The following SERGEF variants were observed in gnomAD, a reference collection of about 807,000 sequenced individuals.
The protein encoded by SERGEF is secretion-regulating guanine nucleotide exchange factor.
Under a neutral mutation model 50.0 loss-of-function variants are expected in SERGEF, and 51 were observed. That is an observed-to-expected ratio of 1.02 (90% CI 0.81 to 1.29). SERGEF has a LOEUF of 1.29. SERGEF is among the 50% of genes most tolerant of loss of function. SERGEF has a pLI of 0.00. For synonymous variants in SERGEF, 205 were observed against 212.4 expected (o/e 0.97, Z 0.30); for missense variants, 521 against 557.0 (o/e 0.94, Z 0.65).
chr11:17,909,077 A>T (rs1332568762), intron 9 of SERGEF, among the ~76,000 whole-genome samples: 3 of 152,330 alleles, frequency 2.0e-5, no homozygotes, highest in African/African-American at 4.8e-5. Flanking sequence ...CAAAGGGAAG[A>T]TGCTGGTAGA....
chr11:17,970,977 G>A (rs575988967), intron 8 of SERGEF, among the ~76,000 whole-genome samples: 18 of 152,062 alleles, frequency 1.2e-4, no homozygotes, highest in Non-Finnish European at 1.9e-4. Context: ...GGCGGATCAC[G>A]AGGTCAGGAG....
At chr11:18,012,539 C>G (rs1449611672) in intron 1 of SERGEF, 7 of 1,136,862 alleles carry the variant, frequency 6.2e-6, no homozygotes, top group African/African-American at 1.7e-5. Context: ...GACAGGGTCT[C>G]CCTCCTCCAG....
At chr11:17,997,263 T>C (rs1451354242) in intron 5 of SERGEF, among the ~76,000 whole-genome samples, 4 of 152,188 alleles carry the variant, frequency 2.6e-5, no homozygotes, top group Admixed American at 1.3e-4. Flanking sequence ...CAAGAAGATA[T>C]ACAAGTGTCC....
intron 10 of SERGEF, among the ~76,000 whole-genome samples, chr11:17,838,238 A>G (rs1279195583): frequency 1.3e-5 from 2 of 152,270 alleles, no homozygotes; most frequent in African/African-American, 4.8e-5. Context: ...TTAGCGGTCC[A>G]GAACACAGCC....
At chr11:17,957,143 G>A (rs2133969118) in intron 9 of SERGEF, among the ~76,000 whole-genome samples, 1 of 152,274 alleles carries the variant, frequency 6.6e-6, no homozygotes, top group Non-Finnish European at 1.5e-5. Flanking sequence ...AAGCTGCCAG[G>A]GGGCTCAGGG....
At chr11:17,922,898 T>A (rs527545062) in intron 9 of SERGEF, among the ~76,000 whole-genome samples, 2 of 152,368 alleles carry the variant, frequency 1.3e-5, no homozygotes, top group South Asian at 4.1e-4. Flanking sequence ...CCTATCTGGA[T>A]ACTGGGTTCA....
At chr11:17,919,590 A>G (rs1852115750) in intron 9 of SERGEF, among the ~76,000 whole-genome samples, 1 of 152,204 alleles carries the variant, frequency 6.6e-6, no homozygotes, top group Non-Finnish European at 1.5e-5. Flanking sequence ...AAGATGCATT[A>G]TAGATATCAC....
chr11:18,001,606 C>T lies in SERGEF; in HGVS notation c.448-1049G>A. Among the ~76,000 whole-genome samples the T allele has an allele frequency of 1.3e-5, 2 of 152,164 alleles. 1 individual carries two copies. The highest frequency in any genetic ancestry group is 3.8e-4 in the East Asian group (2 of 5,198). On this transcript the variant is annotated intron_variant, in intron 4 of 10. Transcript: ENST00000265965. ...TCATGAGAGACCAGCTAAGCTGTTC[C>T]TAAATTCCTGACTCTCCGAAACTGT... is the stretch of plus-strand genomic sequence containing the variant.
intron 10 of SERGEF, among the ~76,000 whole-genome samples, chr11:17,797,903 C>T (rs1165414456): frequency 1.3e-5 from 2 of 152,180 alleles, no homozygotes; most frequent in South Asian, 4.1e-4. Flanking sequence ...TGGTGCTCTG[C>T]CACAGGTCCT....
chr11:18,012,550 G>T (rs1854218198), intron 1 of SERGEF: 8 of 1,144,762 alleles, frequency 7.0e-6, no homozygotes, highest in Non-Finnish European at 8.7e-6. Flanking sequence ...CCTCCTCCAG[G>T]CATCAGGAGT....
chr11:17,896,774 G>C lies in SERGEF; in HGVS notation c.1012-18530C>G, dbSNP rs1291250227. ...GAAGGGTAAGGGAAGGGAAGGGTAA[G>C]GGAAGGGTAAGGGAAGGGTAAGGGA... is the stretch of plus-strand genomic sequence containing the variant. On this transcript the variant is annotated intron_variant, in intron 9 of 10. Transcript: ENST00000265965. 4.9e-3 allele frequency among the ~76,000 whole-genome samples: 510 copies of C among 103,920 alleles called. 30 individuals carry two copies. Among genetic ancestry groups the C allele is most frequent in the Middle Eastern group, 0.012 (2 of 168 alleles). The allele number at this position is 103,920 out of a possible 152,430, so 68.2% of individuals were successfully genotyped here.
chr11:17,901,720 C>T lies in SERGEF; in HGVS notation c.1012-23476G>A, dbSNP rs555434744. ...CTAATCTTCCAGCTAGAAGAAATTT[C>T]ATCATGCTCAGAATTTTGACAGCAC... On this transcript the variant is annotated intron_variant, in intron 9 of 10. Coordinates refer to ENST00000265965, the MANE Select transcript of SERGEF (RefSeq NM_012139.4). 9.9e-4 allele frequency among the ~76,000 whole-genome samples: 151 copies of T among 152,312 alleles called. 1 individual carries two copies. Among genetic ancestry groups the T allele is most frequent in the Middle Eastern group, 3.4e-3 (1 of 294 alleles).
At chr11:17,818,808 C>A (rs770427609) in intron 10 of SERGEF, among the ~76,000 whole-genome samples, 3 of 152,216 alleles carry the variant, frequency 2.0e-5, no homozygotes, top group Non-Finnish European at 2.9e-5. Context: ...CTGGTCCTGA[C>A]CCTGCTCCTA....
intron 10 of SERGEF, among the ~76,000 whole-genome samples, chr11:17,834,143 T>C (rs1462253537): frequency 4.6e-5 from 7 of 152,150 alleles, no homozygotes; most frequent in Admixed American, 2.6e-4. Context: ...TGGGAGGTAA[T>C]TGAATCAGGG....
chr11:17,923,078 C>G (rs902578438), intron 9 of SERGEF, among the ~76,000 whole-genome samples: 8 of 152,210 alleles, frequency 5.3e-5, no homozygotes, highest in African/African-American at 1.9e-4. Context: ...CCTAGATATA[C>G]ATCAGTTTGC....
At chr11:17,819,836 T>A (rs1456508680) in intron 10 of SERGEF, among the ~76,000 whole-genome samples, 1 of 152,052 alleles carries the variant, frequency 6.6e-6, no homozygotes, top group African/African-American at 2.4e-5. Context: ...CCACTTTTGC[T>A]TTTTTGTTGT....
At chr11:18,007,080 T>C (rs934707356) in intron 2 of SERGEF, among the ~76,000 whole-genome samples, 2 of 152,236 alleles carry the variant, frequency 1.3e-5, no homozygotes, top group Admixed American at 6.5e-5. Flanking sequence ...AGCGGACTTA[T>C]CCTTTAGGCA....
chr11:17,948,441 TCCCTCGTGCAGAC>T (rs2133961936), intron 9 of SERGEF, among the ~76,000 whole-genome samples: 1 of 152,238 alleles, frequency 6.6e-6, no homozygotes, highest in African/African-American at 2.4e-5. Flanking sequence ...TATTTGTTGC[TCCCTCGTGCAGAC>T]CCGATCGTCA....
At chr11:17,943,981 G>A (rs1852607444) in intron 9 of SERGEF, among the ~76,000 whole-genome samples, 1 of 152,180 alleles carries the variant, frequency 6.6e-6, no homozygotes, top group Non-Finnish European at 1.5e-5. Context: ...AGGCTAGAGT[G>A]CAGTGGTGCG....
Sources: allele counts gnomAD v4.1 joint callset (sites outside exome capture counted in the v4.1 genomes callset), GRCh38; gene constraint gnomAD v4.1.1; transcripts MANE v1.5; gene names NCBI Gene and HGNC (gene_info 2026-07-23, HGNC 2026-07-21).